The following PDE8A variants were observed in gnomAD, a reference collection of about 807,000 sequenced individuals.
PDE8A encodes high affinity cAMP-specific and IBMX-insensitive 3',5'-cyclic phosphodiesterase 8A.
Under a neutral mutation model 105.0 loss-of-function variants are expected in PDE8A, and 59 were observed. The observed-to-expected ratio is 0.56, with a 90% CI of 0.46 to 0.70. The LOEUF is 0.70. Ranked by LOEUF, PDE8A falls within the 30% of genes least tolerant of loss-of-function variation. PDE8A has a pLI of 0.00. For synonymous variants in PDE8A, 355 were observed against 371.9 expected, an observed-to-expected ratio of 0.95 and a Z score of 0.52; for missense variants, 1,014 against 1,045.9, an observed-to-expected ratio of 0.97 and a Z score of 0.42.
Position 84,982,251 on chromosome 15 carries a change from GGCCGC to G in PDE8A, c.93_97del (p.Arg32ProfsTer34). On this transcript the variant is annotated frameshift_variant, in exon 1 of 22. Transcript: ENST00000394553. LOFTEE classifies it high-confidence loss of function. Reference sequence around the variant, plus strand: ...GCGGCACCGCCGCTGTCGTCCGGCGGGCCGCGCCTCCCGCAGGGCCAGAAGACGGC... The same window carrying G: ...GCGGCACCGCCGCTGTCGTCCGGCGGGCCTCCCGCAGGGCCAGAAGACGGC... 9 of 1,458,784 alleles carry G rather than the reference GGCCGC, an allele frequency of 6.2e-6. No homozygotes were observed. Among genetic ancestry groups the G allele is most frequent in the Non-Finnish European group, 8.1e-6 (9 of 1,114,112 alleles). The allele number at this position is 1,458,784 out of a possible 1,614,324, so 90.4% of individuals were successfully genotyped here. A position where few individuals can be genotyped will look rare whatever the true frequency, so the allele number is the denominator to read the frequency against.
At chr15:85,046,202 C>T (rs943559606) in intron 1 of PDE8A, among the ~76,000 whole-genome samples, 8 of 151,914 alleles carry the variant, frequency 5.3e-5, no homozygotes, top group Non-Finnish European at 7.4e-5. Flanking sequence ...CAGGCACCCA[C>T]CACACCTGGC....
At chr15:85,092,706 G>T (rs1484512010) in intron 8 of PDE8A, among the ~76,000 whole-genome samples, 2 of 152,084 alleles carry the variant, frequency 1.3e-5, no homozygotes, top group Non-Finnish European at 2.9e-5. Context: ...TCACTGAGGA[G>T]GCAAGTAGAG....
At chr15:85,012,329 A>C (rs1225562250) in intron 1 of PDE8A, among the ~76,000 whole-genome samples, 1 of 152,214 alleles carries the variant, frequency 6.6e-6, no homozygotes, top group African/African-American at 2.4e-5. Flanking sequence ...CTGGATTAAG[A>C]AAATGTGGCA....
intron 12 of PDE8A, among the ~76,000 whole-genome samples, chr15:85,111,725 C>G (rs1050385560): frequency 5.3e-5 from 8 of 152,168 alleles, no homozygotes; most frequent in African/African-American, 1.7e-4. Flanking sequence ...ACACATCCTC[C>G]TGGGATTTGT....
intron 1 of PDE8A, among the ~76,000 whole-genome samples, chr15:85,024,394 G>C (rs1178783914): frequency 2.6e-5 from 4 of 152,150 alleles, no homozygotes; most frequent in Non-Finnish European, 5.9e-5. Flanking sequence ...CTCCTTAATA[G>C]GTGACTTTCT....
intron 11 of PDE8A, among the ~76,000 whole-genome samples, chr15:85,100,986 C>A (rs2141565884): frequency 6.6e-6 from 1 of 152,350 alleles, no homozygotes; most frequent in South Asian, 2.1e-4. Context: ...GAAACACTTA[C>A]TACATATTTT....
At chr15:84,997,838 G>C (rs1219414335) in intron 1 of PDE8A, among the ~76,000 whole-genome samples, 1 of 151,868 alleles carries the variant, frequency 6.6e-6, no homozygotes, top group Admixed American at 6.6e-5. Flanking sequence ...CAGGTGATCT[G>C]CCTGCCTCGG....
intron 12 of PDE8A, among the ~76,000 whole-genome samples, chr15:85,109,992 CTG>C (rs1320097076): frequency 6.6e-6 from 1 of 152,220 alleles, no homozygotes; most frequent in Non-Finnish European, 1.5e-5. Flanking sequence ...CATCTACTCT[CTG>C]TGTAGCCTTG....
intron 1 of PDE8A, among the ~76,000 whole-genome samples, chr15:85,054,338 T>C (rs2081025708): frequency 6.6e-6 from 1 of 152,224 alleles, no homozygotes; most frequent in Non-Finnish European, 1.5e-5. Context: ...CCTCATAAAA[T>C]GAGTTATGGA....
chr15:85,060,509 T>C (rs1203303027), intron 1 of PDE8A, among the ~76,000 whole-genome samples: 1 of 152,198 alleles, frequency 6.6e-6, no homozygotes, highest in African/African-American at 2.4e-5. Context: ...TATTAGGTAT[T>C]ATAAGTAAGT....
At chr15:85,118,228 T>C (rs1470749088) in intron 17 of PDE8A, among the ~76,000 whole-genome samples, 2 of 152,144 alleles carry the variant, frequency 1.3e-5, no homozygotes, top group Non-Finnish European at 2.9e-5. Context: ...GTCAGGTTCA[T>C]CATCTCTGTT....
At chr15:85,088,053 C>G (rs1051169678) in intron 6 of PDE8A, among the ~76,000 whole-genome samples, 1 of 152,164 alleles carries the variant, frequency 6.6e-6, no homozygotes, top group Admixed American at 6.5e-5. Context: ...TTTTTATTAT[C>G]CCCAGCCCAG....
intron 8 of PDE8A, 43 bp downstream of exon 8, chr15:85,091,224 A>C (rs1473386307): frequency 6.5e-7 from 1 of 1,532,440 alleles, no homozygotes; most frequent in African/African-American, 1.4e-5. Context: ...CACAACACAG[A>C]GAGAAGGAAG....
chr15:85,109,491 TAG>T (rs1055706503), intron 12 of PDE8A, among the ~76,000 whole-genome samples: 2 of 152,252 alleles, frequency 1.3e-5, no homozygotes, highest in East Asian at 1.9e-4. Flanking sequence ...TGGAAACTTT[TAG>T]AGAGAGGTGA....
chr15:85,134,390 G>T (rs1345644867), intron 20 of PDE8A, among the ~76,000 whole-genome samples: 1 of 152,160 alleles, frequency 6.6e-6, no homozygotes, highest in Non-Finnish European at 1.5e-5. Flanking sequence ...GGCCCATGGG[G>T]TGTGAACCCA....
intron 1 of PDE8A, among the ~76,000 whole-genome samples, chr15:85,021,874 C>T (rs767814092): frequency 6.6e-6 from 1 of 152,174 alleles, no homozygotes; most frequent in Non-Finnish European, 1.5e-5. Context: ...AGGGAGGTTG[C>T]GTGTCCTCCT....
chr15:85,035,379 T>G (rs2080688456), intron 1 of PDE8A, among the ~76,000 whole-genome samples: 1 of 151,892 alleles, frequency 6.6e-6, no homozygotes, highest in Non-Finnish European at 1.5e-5. Flanking sequence ...CAGCTAATTT[T>G]TTGTATTTTT....
chr15:85,090,943 T>TG, intron 7 of PDE8A, 101 bp from the exon 8 acceptor site: 1 of 1,037,688 alleles, frequency 9.6e-7, no homozygotes. Flanking sequence ...GAGCTTTTTC[T>TG]GGGGAAAAAC....
chr15:85,017,931 T>G (rs1036048894), intron 1 of PDE8A, among the ~76,000 whole-genome samples: 1 of 139,622 alleles, frequency 7.2e-6, no homozygotes, highest in Middle Eastern at 3.9e-3. Context: ...GTGGAGAAAG[T>G]TTTTGTGTTT....
Sources: gnomAD v4.1 joint callset for allele counts (sites outside exome capture counted in the v4.1 genomes callset) on GRCh38, gnomAD v4.1.1 for gene constraint, MANE v1.5 for transcripts, NCBI Gene and HGNC (gene_info 2026-07-23, HGNC 2026-07-21) for gene names.